The following HDAC9 variants were observed in gnomAD, a reference collection of about 807,000 sequenced individuals.
HDAC9 encodes histone deacetylase 9.
Under a neutral mutation model 139.4 loss-of-function variants are expected in HDAC9, and 41 were observed. That is an observed-to-expected ratio of 0.29 (90% CI 0.23 to 0.38). HDAC9 has a LOEUF of 0.38. HDAC9 is among the 10% of genes least tolerant of loss of function. The pLI is 1.00. For missense variants in HDAC9, 1,147 were observed against 1,297.0 expected (o/e 0.88, Z 1.78); for synonymous variants, 517 against 476.2 (o/e 1.09, Z -1.12).
At chr7:18,896,221 A>C (rs1024804542) in intron 22 of HDAC9, among the ~76,000 whole-genome samples, 3 of 152,102 alleles carry the variant, frequency 2.0e-5, no homozygotes, top group Admixed American at 6.6e-5. Flanking sequence ...ATTTATGCTT[A>C]AGATAAAAAT....
chr7:18,111,998 TA>T (rs111303520), intron 1 of HDAC9, among the ~76,000 whole-genome samples: 3,519 of 152,324 alleles, frequency 0.023, 143 homozygotes, highest in African/African-American at 0.079. Context: ...AGCTGGTTGT[TA>T]AAATAGCCAT....
intron 2 of HDAC9, among the ~76,000 whole-genome samples, chr7:18,236,009 G>A (rs559729153): frequency 1.9e-4 from 29 of 152,266 alleles, no homozygotes; most frequent in African/African-American, 7.0e-4. Flanking sequence ...ATGAATCATC[G>A]TCAAGTTGAG....
At chr7:18,228,071 C>A (rs1338193706) in intron 2 of HDAC9, among the ~76,000 whole-genome samples, 1 of 152,108 alleles carries the variant, frequency 6.6e-6, no homozygotes, top group African/African-American at 2.4e-5. Context: ...AATTGAGTTT[C>A]TTTAGCTTGC....
chr7:18,573,109 T>C (rs1457170942), intron 2 of HDAC9, among the ~76,000 whole-genome samples: 1 of 152,226 alleles, frequency 6.6e-6, no homozygotes, highest in Admixed American at 6.5e-5. Context: ...AATAAGAGAA[T>C]AGTAAATCAA....
At chr7:18,737,237 G>T (rs1476201477) in intron 13 of HDAC9, among the ~76,000 whole-genome samples, 1 of 152,088 alleles carries the variant, frequency 6.6e-6, no homozygotes, top group Admixed American at 6.5e-5. Context: ...ATCTCCTTCA[G>T]TTCTGCTCTG....
chr7:18,122,849 C>T (rs1028689884), intron 1 of HDAC9, among the ~76,000 whole-genome samples: 8 of 152,250 alleles, frequency 5.3e-5, no homozygotes, highest in Non-Finnish European at 1.2e-4. Context: ...GAACTCCTGG[C>T]CTCAAGTGAT....
chr7:18,562,656 T>C (rs141854606), intron 2 of HDAC9, among the ~76,000 whole-genome samples: 9 of 152,298 alleles, frequency 5.9e-5, no homozygotes, highest in African/African-American at 1.2e-4. Flanking sequence ...TTATTATAAC[T>C]TTGTAATAAG....
intron 17 of HDAC9, among the ~76,000 whole-genome samples, chr7:18,821,321 A>C (rs916959972): frequency 1.3e-5 from 2 of 152,202 alleles, no homozygotes; most frequent in Non-Finnish European, 2.9e-5. Context: ...CTTGATGGTG[A>C]CTGATAGAGG....
chr7:18,307,054 T>G (rs1403860549), intron 1 of HDAC9, among the ~76,000 whole-genome samples: 6 of 151,906 alleles, frequency 3.9e-5, no homozygotes, highest in Non-Finnish European at 8.8e-5. Context: ...TTAAATTTAT[T>G]GTGTGTTTAT....
chr7:18,221,668 C>T (rs892061009), intron 2 of HDAC9, among the ~76,000 whole-genome samples: 2 of 152,034 alleles, frequency 1.3e-5, no homozygotes, highest in Non-Finnish European at 1.5e-5. Context: ...GGGGAATGCA[C>T]AACTTTTGGC....
chr7:18,153,123 A>G (rs767328493), intron 1 of HDAC9, among the ~76,000 whole-genome samples: 6 of 152,194 alleles, frequency 3.9e-5, no homozygotes, highest in Non-Finnish European at 8.8e-5. Flanking sequence ...TTCTTTGGAA[A>G]GGGGCCAAAT....
chr7:18,416,659 C>T (rs144458564), intron 1 of HDAC9, among the ~76,000 whole-genome samples: 12 of 152,132 alleles, frequency 7.9e-5, no homozygotes, highest in African/African-American at 2.9e-4. Flanking sequence ...TTGTCCTCTT[C>T]AAGTTCTTCA....
rs529443033 is a variant in HDAC9 at position 18,997,601 on chromosome 7, A to G, written c.*1539A>G. ...CATAAGTGAAGATTGTCATGCTTTT[A>G]TTCAGAAATCTGAAAGAAACCTTAA... On this transcript the variant is annotated 3_prime_UTR_variant, in exon 26 of 26. Transcript: ENST00000686413. 5 of 152,272 alleles carry G rather than the reference A, an allele frequency of 3.3e-5. No individual in the cohort carries two copies. In the East Asian group the frequency reaches 9.6e-4, roughly 29 times the overall value. 9.4% of individuals were successfully genotyped at this position (152,272 alleles called of 1,614,324 possible).
intron 17 of HDAC9, among the ~76,000 whole-genome samples, chr7:18,808,949 G>A (rs1004412574): frequency 1.3e-5 from 2 of 152,010 alleles, no homozygotes; most frequent in African/African-American, 4.8e-5. Flanking sequence ...CTGTGGCAGA[G>A]CTATAATAAT....
At chr7:18,900,641 G>A (rs939982535) in intron 22 of HDAC9, among the ~76,000 whole-genome samples, 1 of 152,142 alleles carries the variant, frequency 6.6e-6, no homozygotes, top group African/African-American at 2.4e-5. Flanking sequence ...CTAGCAGGGA[G>A]CCACAAACTT....
chr7:18,316,887 A>G (rs977387241), intron 1 of HDAC9, among the ~76,000 whole-genome samples: 1 of 151,608 alleles, frequency 6.6e-6, no homozygotes, highest in African/African-American at 2.4e-5. Context: ...AGGTCAGGAG[A>G]TCGAGACCAT....
At chr7:18,607,078 T>G (rs565930984) in intron 6 of HDAC9, among the ~76,000 whole-genome samples, 2 of 152,306 alleles carry the variant, frequency 1.3e-5, no homozygotes, top group South Asian at 4.1e-4. Flanking sequence ...TAAAAATTTT[T>G]TATGAAAAAG....
chr7:18,353,109 C>G (rs1782980867), intron 1 of HDAC9, among the ~76,000 whole-genome samples: 1 of 152,036 alleles, frequency 6.6e-6, no homozygotes, highest in Non-Finnish European at 1.5e-5. Context: ...TGTAATCAAA[C>G]CTAAGGAAGA....
At chr7:18,294,860 G>C (rs915247824) in intron 1 of HDAC9, among the ~76,000 whole-genome samples, 4 of 152,120 alleles carry the variant, frequency 2.6e-5, no homozygotes, top group Admixed American at 2.6e-4. Flanking sequence ...AGTGTCAGGG[G>C]TGTAGGGGCA....
Sources: allele counts gnomAD v4.1 joint callset (sites outside exome capture counted in the v4.1 genomes callset), GRCh38; gene constraint gnomAD v4.1.1; transcripts MANE v1.5; gene names NCBI Gene and HGNC (gene_info 2026-07-23, HGNC 2026-07-21).